Variants in TSC2 observed in about 807,000 individuals in gnomAD.
TSC2 encodes the protein tuberin.
A neutral mutation model predicts 202.2 loss-of-function variants in TSC2; 29 were observed. That is an observed-to-expected ratio of 0.14 (90% CI 0.11 to 0.20). The LOEUF is 0.20. Ranked by LOEUF, TSC2 falls within the 10% of genes least tolerant of loss-of-function variation. The probability of loss-of-function intolerance (pLI) is 1.00; values close to 1 mark genes in which losing one functional copy is unlikely to be tolerated. For synonymous variants in TSC2, 1,349 were observed against 1,044.0 expected (o/e 1.29, Z -5.63); for missense variants, 2,429 against 2,420.0 (o/e 1.00, Z -0.08).
rs1248855623 is a variant in TSC2, at chr16:2,084,501, A to G, written c.4279A>G (p.Ser1427Gly). Residue 1427 changes from serine to glycine, a missense_variant, in exon 34 of 42, where the codon AGT becomes GGT. Physicochemically the swap from Ser to Gly is moderately conservative, Grantham distance 56. Transcript: ENST00000219476. ...ACAGTCAGGGACCCTGGACGGGGAA[A>G]GTGCTGCCTGGTCGGCCTCGGGCGA... Reference protein sequence around the residue: ...RSQSGTLDGESAAWSASGEDS... With the variant: ...RSQSGTLDGEGAAWSASGEDS... 5.6e-6 allele frequency: 9 copies of G among 1,609,570 alleles called. No individual in the cohort carries two copies. The South Asian group carries it at 7.7e-5, about 14-fold the overall frequency.
chr16:2,053,306 G>A (rs1567394543), intron 3 of TSC2, 36 bp from the exon 4 acceptor site: 14 of 1,549,080 alleles, frequency 9.0e-6, no homozygotes, highest in Middle Eastern at 2.2e-4. Context: ...TTCTTGGAGA[G>A]CACATCCTCA....
rs1164781795 is a variant in TSC2, at chr16:2,085,286, C to A, written c.4626C>A (p.Thr1542=). The A allele has an allele frequency of 1.9e-6, 3 of 1,612,624 alleles. No homozygotes were observed. In the African/African-American group the frequency reaches 4.0e-5, roughly 22 times the overall value. The change falls in exon 36 of 42, where the codon ACC becomes ACA. Residue 1542 remains threonine, a synonymous_variant. Transcript: ENST00000219476. The part of the protein sequence containing the change: ...QLLDQIPSYD[T]HKIAVLYVGE... ...TCGACCAGATCCCATCATACGACAC[C>A]CACAAGATCGCCGTCCTGTATGTTG...
intron 14 of TSC2, 111 bp from the exon 15 acceptor site, chr16:2,064,161 T>C: frequency 6.4e-7 from 1 of 1,557,178 alleles, no homozygotes; most frequent in East Asian, 2.2e-5. Flanking sequence ...TGTGCTGAAG[T>C]CCCGAGGGAC....
chr16:2,080,730 C>T (rs560075378), intron 30 of TSC2: 86 of 278,766 alleles, frequency 3.1e-4, no homozygotes, highest in Admixed American at 1.6e-3. Context: ...GTGATCCGCC[C>T]GCCTTGGCCT....
rs1596369779 is a variant in TSC2 at position 2,076,593 on chromosome 16, C to T, written c.2837+8C>T. 1 of 1,612,924 alleles carries T rather than the reference C, an allele frequency of 6.2e-7. No homozygotes were observed. On this transcript the variant is annotated splice_region_variant and intron_variant, in intron 25 of 41. Coordinates refer to ENST00000219476, the MANE Select transcript of TSC2 (RefSeq NM_000548.5). ...CAACGAGAGACCCAAGAGGTACGGC[C>T]TGCGGGGGTGTGCCTGGAGTCGGTG...
chr16:2,056,679 C>T lies in TSC2; in HGVS notation c.684C>T (p.Tyr228=), dbSNP rs397515034. The change falls in exon 8 of 42, where the codon TAC becomes TAT. Residue 228 remains tyrosine (Y), a synonymous_variant. Coordinates refer to ENST00000219476, the MANE Select transcript of TSC2 (RefSeq NM_000548.5). ...SLQVLDAVVC[Y]NCLPAESLPL... Reference sequence around the variant, plus strand: ...AGGTGCTGGACGCCGTGGTCTGCTACAACTGCCTGCCGGCTGAGAGCCTCC... The same window carrying T: ...AGGTGCTGGACGCCGTGGTCTGCTATAACTGCCTGCCGGCTGAGAGCCTCC... 1 of 1,612,416 alleles carries T rather than the reference C, an allele frequency of 6.2e-7. No individual in the cohort carries two copies. Among genetic ancestry groups the T allele is most frequent in the Non-Finnish European group, 8.5e-7 (1 of 1,180,036 alleles).
At position 2,072,482 on chromosome 16, in the gene TSC2, C is replaced by T. The variant is rs544472423; in HGVS notation, c.2220+119C>T. 1.4e-4 allele frequency: 204 copies of T among 1,462,450 alleles called. No homozygotes were observed. The African/African-American group carries it at 2.6e-3, about 19-fold the overall frequency. 90.6% of individuals were successfully genotyped at this position (1,462,450 alleles called of 1,614,324 possible). On this transcript the variant is annotated intron_variant, in intron 20 of 41. Transcript: ENST00000219476. Reference sequence around the variant, plus strand: ...GGGCTCGGGCTCCATTTCCCTCAAACTCAGCTGCACTCTGGAGCGCAGATT... The same window carrying T: ...GGGCTCGGGCTCCATTTCCCTCAAATTCAGCTGCACTCTGGAGCGCAGATT...
intron 4 of TSC2, chr16:2,053,926 A>G (rs1023518660): frequency 2.3e-6 from 1 of 439,720 alleles, no homozygotes; most frequent in Admixed American, 2.9e-5. Flanking sequence ...AGGGCCGTCC[A>G]CTCTCACAGG....
intron 11 of TSC2, 138 bp from the exon 12 acceptor site, chr16:2,061,733 G>T (rs2151151191): frequency 7.0e-7 from 1 of 1,433,998 alleles, no homozygotes; most frequent in East Asian, 2.3e-5. Flanking sequence ...AGGGCTGGGG[G>T]CGTCTGTCCC....
Position 2,087,776 on chromosome 16 carries a change from G to A in TSC2, c.4990-87G>A, listed in dbSNP as rs544393341. The A allele has an allele frequency of 6.7e-5, 99 of 1,467,674 alleles. No homozygotes were observed. The African/African-American group carries it at 1.1e-3, about 16-fold the overall frequency. 90.9% of individuals were successfully genotyped at this position (1,467,674 alleles called of 1,614,324 possible). Reference sequence around the variant, plus strand: ...CAGATGCTGCCCATGGAGCTGACAGGTGTCTAGCAGTGCAACCAGGCAGTA... The same window carrying A: ...CAGATGCTGCCCATGGAGCTGACAGATGTCTAGCAGTGCAACCAGGCAGTA... On this transcript the variant is annotated intron_variant, in intron 38 of 41. Coordinates refer to ENST00000219476, the MANE Select transcript of TSC2 (RefSeq NM_000548.5).
At chr16:2,080,671 A>C in intron 30 of TSC2, 1 of 406,670 alleles carries the variant, frequency 2.5e-6, no homozygotes, top group Non-Finnish European at 4.6e-6. Flanking sequence ...TTTCTAGTAG[A>C]GATGGGGTTT....
intron 9 of TSC2, among the ~76,000 whole-genome samples, chr16:2,057,397 T>C (rs1280910117): frequency 6.6e-6 from 1 of 152,192 alleles, no homozygotes; most frequent in Non-Finnish European, 1.5e-5. Flanking sequence ...CCCAGCTCAG[T>C]GCCTGCCCCA....
chr16:2,082,005 T>C, intron 31 of TSC2: 2 of 736,776 alleles, frequency 2.7e-6, no homozygotes, highest in Non-Finnish European at 4.6e-6. Flanking sequence ...GGCTGGCAGC[T>C]TCAGAAGCAG....
rs1186556063 is a variant in TSC2, at chr16:2,071,497, C to T, written c.1840-13C>T. The T allele has an allele frequency of 3.7e-6, 6 of 1,613,334 alleles. No homozygotes were observed. Among genetic ancestry groups the T allele is most frequent in the Admixed American group, 3.3e-5 (2 of 60,000 alleles). ...GAGCTTGGCTCTGGCTTTCACCATC[C>T]TCTTCCTGACAGGCCTTTGACTTCC... is the stretch of plus-strand genomic sequence containing the variant. On this transcript the variant is annotated splice_polypyrimidine_tract_variant and intron_variant, in intron 17 of 41. Transcript: ENST00000219476.
rs1188230416 is a variant in TSC2 at position 2,062,999 on chromosome 16, C to G, written c.1389C>G (p.Ile463Met). The G allele has an allele frequency of 3.2e-6, 5 of 1,551,230 alleles. No individual in the cohort carries two copies. Among genetic ancestry groups the G allele is most frequent in the Non-Finnish European group, 4.4e-6 (5 of 1,146,908 alleles). ...GCGAGTCCCGAGGCGCCGTGCGCATCAAGGTGCTGGACGTGCTGTCCTTTG... is the reference window on the plus strand; with the variant it reads ...GCGAGTCCCGAGGCGCCGTGCGCATGAAGGTGCTGGACGTGCTGTCCTTTG... ...FRSESRGAVRIKVLDVLSFVL... is the reference protein window; with the variant it reads ...FRSESRGAVRMKVLDVLSFVL... Residue 463 changes from isoleucine to methionine, a missense_variant, in exon 14 of 42, where the codon ATC becomes ATG. By Grantham distance (10) the Ile-to-Met change is conservative (BLOSUM62 1). Coordinates refer to ENST00000219476, the MANE Select transcript of TSC2 (RefSeq NM_000548.5).
intron 32 of TSC2, 200 bp downstream of exon 32, chr16:2,082,704 G>A: frequency 1.5e-6 from 1 of 661,182 alleles, no homozygotes; most frequent in Non-Finnish European, 2.7e-6. Context: ...GTCCCTTTGT[G>A]GCTGAGCCCT....
Position 2,088,207 on chromosome 16 carries a change from C to T in TSC2, c.5161-20C>T, listed in dbSNP as rs200315428. The T allele has an allele frequency of 1.6e-4, 252 of 1,613,020 alleles. No individual in the cohort carries two copies. Among genetic ancestry groups the T allele is most frequent in the Non-Finnish European group, 2.1e-4 (244 of 1,179,928 alleles). ...CAGGTGCCACCTGATAGTGAGCTCA[C>T]CCCCTGCCTACGTCCCCAGATGGCC... On this transcript the variant is annotated intron_variant, in intron 40 of 41. Transcript: ENST00000219476.
At position 2,062,560 on chromosome 16, in the gene TSC2, T is replaced by C; in HGVS notation, c.1321T>C (p.Trp441Arg). ...AQSIHPAKDG[W>R]IQNLQALMER... is the part of the protein sequence containing the mutation. ...GTCCATCCACCCGGCCAAGGACGGC[T>C]GGATTCAGAACCTGCAGGCGCTGAT... The change falls in exon 13 of 42, where the codon TGG becomes CGG. Residue 441 changes from tryptophan to arginine, a missense_variant. Coordinates refer to ENST00000219476, the MANE Select transcript of TSC2 (RefSeq NM_000548.5). 6.2e-7 allele frequency: 1 copy of C among 1,612,234 alleles called. No homozygotes were observed.
In TSC2 at chr16:2,058,819, C is replaced by G. The variant is rs878854121; in HGVS notation, c.921C>G (p.His307Gln). The change falls in exon 10 of 42, where the codon CAC (histidine) becomes CAG (glutamine). Residue 307 changes from histidine (H) to glutamine (Q), a missense_variant. His to Gln is a conservative substitution (Grantham distance 24). Coordinates refer to ENST00000219476, the MANE Select transcript of TSC2 (RefSeq NM_000548.5). ...TGGGCATGGCTCTCTGGGGAGCCCA[C>G]CGGCTCTATTCTCTCAGGAACTCGC... ...FFVGMALWGAHRLYSLRNSPT... is the reference protein window; with the variant it reads ...FFVGMALWGAQRLYSLRNSPT... The G allele has an allele frequency of 3.1e-6, 5 of 1,603,002 alleles. No homozygotes were observed. In the African/African-American group the frequency reaches 6.7e-5, roughly 21 times the overall value.
Sources: gnomAD v4.1 joint callset for allele counts (sites outside exome capture counted in the v4.1 genomes callset) on GRCh38, gnomAD v4.1.1 for gene constraint, MANE v1.5 for transcripts, NCBI Gene and HGNC (gene_info 2026-07-23, HGNC 2026-07-21) for gene names.